The following SNPH variants were observed in gnomAD, a reference collection of about 807,000 sequenced individuals.
SNPH encodes syntaphilin.
Under a neutral mutation model 36.8 loss-of-function variants are expected in SNPH, and 10 were observed. The observed-to-expected ratio is 0.27, with a 90% confidence interval of 0.17 to 0.46. The LOEUF (loss-of-function observed/expected upper bound fraction) is 0.46, where lower values mean the gene tolerates loss of function less well. Among genes scored for constraint, SNPH ranks in the 20% least tolerant of loss-of-function variants. The probability of loss-of-function intolerance (pLI) is 1.00; values close to 1 mark genes in which losing one functional copy is unlikely to be tolerated. For missense variants in SNPH, 622 were observed against 744.0 expected (o/e 0.84, Z 1.91); for synonymous variants, 281 against 312.2 (o/e 0.90, Z 1.05).
intron 2 of SNPH, among the ~76,000 whole-genome samples, chr20:1,281,062 A>G (rs1298585631): frequency 6.6e-6 from 1 of 152,130 alleles, no homozygotes; most frequent in East Asian, 1.9e-4. Context: ...ATAAGGTTCT[A>G]TTATTGAGGG....
rs1456502093 is a variant in SNPH at position 1,307,551 on chromosome 20, A to T, written c.*1497A>T. ...GGGGGTTGGAGGGACCCTGTGTCTT[A>T]CTCGCCCCTCTGGCCTAAGGGCCAC... On this transcript the variant is annotated 3_prime_UTR_variant, in exon 7 of 7. Coordinates refer to ENST00000381867, the MANE Select transcript of SNPH (RefSeq NM_001318234.2). The T allele has an allele frequency of 6.6e-6, 1 of 152,284 alleles. No individual in the cohort carries two copies. Among genetic ancestry groups the T allele is most frequent in the Non-Finnish European group, 1.5e-5 (1 of 68,088 alleles). The allele number at this position is 152,284 out of a possible 1,614,324, so 9.4% of individuals were successfully genotyped here.
intron 4 of SNPH, among the ~76,000 whole-genome samples, chr20:1,296,887 C>T (rs748449509): frequency 4.6e-5 from 7 of 152,242 alleles, no homozygotes; most frequent in Non-Finnish European, 1.0e-4. Context: ...TGAGGCCCCA[C>T]CCTTGCCCTG....
chr20:1,292,349 C>T (rs1240881811), intron 2 of SNPH, among the ~76,000 whole-genome samples: 3 of 152,212 alleles, frequency 2.0e-5, no homozygotes, highest in Non-Finnish European at 4.4e-5. Context: ...CCGAGGTCTC[C>T]TGGATGTATC....
At chr20:1,283,701 GTC>G (rs1474860262) in intron 2 of SNPH, among the ~76,000 whole-genome samples, 1 of 152,168 alleles carries the variant, frequency 6.6e-6, no homozygotes, top group Non-Finnish European at 1.5e-5. Context: ...GTAGTCACCT[GTC>G]TCTGAGCACC....
chr20:1,305,856 G>A lies in SNPH; in HGVS notation c.1419G>A (p.Leu473=). 1.3e-6 allele frequency: 2 copies of A among 1,593,968 alleles called. No homozygotes were observed. The highest frequency in any genetic ancestry group is 1.7e-6 in the Non-Finnish European group (2 of 1,171,022). The change falls in exon 7 of 7, where the codon CTG becomes CTA. Residue 473 remains leucine, a synonymous_variant. Coordinates refer to ENST00000381867, the MANE Select transcript of SNPH (RefSeq NM_001318234.2). The part of the protein sequence containing the change: ...SYWSRHYIVD[L]LAVVVPAVPT... The stretch of plus-strand genomic sequence containing the variant: ...GGAGCCGCCACTACATCGTGGATCT[G>A]CTGGCTGTGGTGGTGCCGGCCGTGC...
intron 2 of SNPH, among the ~76,000 whole-genome samples, chr20:1,279,592 A>C (rs1168097273): frequency 6.8e-6 from 1 of 147,618 alleles, no homozygotes; most frequent in Non-Finnish European, 1.5e-5. Context: ...TGATAGAAAG[A>C]CTGGTTTCCT....
chr20:1,294,969 A>G lies in SNPH; in HGVS notation c.-474A>G, dbSNP rs1453351918. ...CTCATAGGGTTGTTGAGAGGAGTCA[A>G]TGGCATAATGTACGTAGCGTGGTTG... On this transcript the variant is annotated 5_prime_UTR_variant, in exon 3 of 7. The change abolishes an upstream ATG in the 5' untranslated region. Transcript: ENST00000381867. This position sits in a 1 kb window ranked among gnomAD's most constrained non-coding sequence, Gnocchi z 4.4. The G allele has an allele frequency of 6.5e-6, 1 of 152,694 alleles. No homozygotes were observed. Among genetic ancestry groups the G allele is most frequent in the African/African-American group, 2.4e-5 (1 of 41,424 alleles). The allele number at this position is 152,694 out of a possible 1,614,324, so 9.5% of individuals were successfully genotyped here.
chr20:1,284,146 T>C (rs1568542816), intron 2 of SNPH, among the ~76,000 whole-genome samples: 1 of 152,198 alleles, frequency 6.6e-6, no homozygotes, highest in Non-Finnish European at 1.5e-5. Context: ...GTGCTATTTT[T>C]TCAAAGATGA....
intron 2 of SNPH, among the ~76,000 whole-genome samples, chr20:1,279,058 A>G (rs1051922266): frequency 6.6e-6 from 1 of 152,242 alleles, no homozygotes; most frequent in Non-Finnish European, 1.5e-5. Flanking sequence ...ATGGACATAC[A>G]CTTTCCTATT....
intron 2 of SNPH, among the ~76,000 whole-genome samples, chr20:1,281,115 C>A (rs2088213282): frequency 6.6e-6 from 1 of 152,178 alleles, no homozygotes; most frequent in African/African-American, 2.4e-5. Context: ...CTAACCCACA[C>A]AGAGGCCTGG....
rs572631021 is a variant in SNPH, at chr20:1,277,256, T to C, written c.-493+10496T>C. On this transcript the variant is annotated intron_variant, in intron 2 of 6. Transcript: ENST00000381867. Reference sequence around the variant, plus strand: ...TACACAGAAACATTCTAGAAAAATGTTGAGTAAATGACAAGAAGCTTTGGT... The same window carrying C: ...TACACAGAAACATTCTAGAAAAATGCTGAGTAAATGACAAGAAGCTTTGGT... Among the ~76,000 whole-genome samples the C allele has an allele frequency of 5.9e-5, 9 of 152,292 alleles. 1 individual carries two copies. The South Asian group carries it at 1.9e-3, about 32-fold the overall frequency.
At chr20:1,267,035 C>T (rs914388232) in intron 2 of SNPH, among the ~76,000 whole-genome samples, 3 of 152,074 alleles carry the variant, frequency 2.0e-5, no homozygotes, top group Non-Finnish European at 2.9e-5. Flanking sequence ...AACCCACCCC[C>T]CAATTTTATT....
In SNPH at chr20:1,300,632, A is replaced by T; in HGVS notation, c.361A>T (p.Thr121Ser). The change falls in exon 6 of 7, where the codon ACC becomes TCC. Residue 121 changes from threonine (T) to serine (S), a missense_variant. Thr to Ser is a moderately conservative substitution (Grantham distance 58). Around this residue, in one of 3 missense-constraint regions of SNPH, gnomAD observed 187 missense variants for 209.4 expected, o/e 0.89. Coordinates refer to ENST00000381867, the MANE Select transcript of SNPH (RefSeq NM_001318234.2). ...GCCCCCGACCCCGGAGCAGTACCTGACCCCCCTGCAGCAGAAGGAGGTGTG... is the reference window on the plus strand; with the variant it reads ...GCCCCCGACCCCGGAGCAGTACCTGTCCCCCCTGCAGCAGAAGGAGGTGTG... Reference protein sequence around the residue: ...IKPPTPEQYLTPLQQKEVCIR... With the variant: ...IKPPTPEQYLSPLQQKEVCIR... 1 of 1,613,018 alleles carries T rather than the reference A, an allele frequency of 6.2e-7. No homozygotes were observed. The highest frequency in any genetic ancestry group is 8.5e-7 in the Non-Finnish European group (1 of 1,179,848).
chr20:1,305,182 C>T lies in SNPH; in HGVS notation c.745C>T (p.Pro249Ser). 6.2e-7 allele frequency: 1 copy of T among 1,612,318 alleles called. No individual in the cohort carries two copies. Among genetic ancestry groups the T allele is most frequent in the Non-Finnish European group, 8.5e-7 (1 of 1,179,700 alleles). ...DGTGESAGGS[P>S]ARSLTRSSTY... ...CACTGGGGAGTCAGCCGGTGGGTCC[C>T]CTGCCCGCTCCCTCACCCGCAGCTC... is the stretch of plus-strand genomic sequence containing the variant. The change falls in exon 7 of 7, where the codon CCT becomes TCT. Residue 249 changes from proline to serine, a missense_variant. Pro to Ser is a moderately conservative substitution (Grantham distance 74). This residue lies in a region of SNPH where 379 missense variants were observed against 427.9 expected (regional missense o/e 0.89). Transcript: ENST00000381867.
rs983624533 is a variant in SNPH at position 1,276,368 on chromosome 20, G to C, written c.-493+9608G>C. On this transcript the variant is annotated intron_variant, in intron 2 of 6. Coordinates refer to ENST00000381867, the MANE Select transcript of SNPH (RefSeq NM_001318234.2). The surrounding 1 kb of genome is among the most constrained non-coding windows in gnomAD (Gnocchi z 4.6). ...CAGGATCCAAGCCTAGGCAGCACTG[G>C]CCCCCTTGCCCTGCTCTCTGAGTGG... 1.1e-4 allele frequency among the ~76,000 whole-genome samples: 16 copies of C among 152,280 alleles called. No homozygotes were observed. Among genetic ancestry groups the C allele is most frequent in the Admixed American group, 3.9e-4 (6 of 15,298 alleles).
intron 2 of SNPH, among the ~76,000 whole-genome samples, chr20:1,277,903 C>CTGTG (rs770591276): frequency 8.3e-6 from 1 of 119,798 alleles, no homozygotes; most frequent in African/African-American, 3.3e-5. Flanking sequence ...GTGTATGTAT[C>CTGTG]TGTGTGTGTG....
chr20:1,293,913 G>A (rs1439115891), intron 2 of SNPH, among the ~76,000 whole-genome samples: 2 of 152,142 alleles, frequency 1.3e-5, no homozygotes, highest in Non-Finnish European at 2.9e-5. Flanking sequence ...GACAAACCAG[G>A]CATTTTGCCT....
At chr20:1,271,927 C>T (rs918070463) in intron 2 of SNPH, among the ~76,000 whole-genome samples, 1 of 152,136 alleles carries the variant, frequency 6.6e-6, no homozygotes, top group Non-Finnish European at 1.5e-5. Context: ...TCACAAAGAC[C>T]AGTGCATTTG....
intron 2 of SNPH, among the ~76,000 whole-genome samples, chr20:1,292,153 C>T (rs542950181): frequency 1.8e-4 from 21 of 118,568 alleles, no homozygotes; most frequent in Non-Finnish European, 3.4e-4. Flanking sequence ...ATGGTGTTCC[C>T]TGAGTTTTAG....
Sources: allele counts gnomAD v4.1 joint callset (sites outside exome capture counted in the v4.1 genomes callset), GRCh38; gene constraint gnomAD v4.1.1; regional missense constraint gnomAD v4.1.1; non-coding constraint Gnocchi (gnomAD v3.1); transcripts MANE v1.5; gene names NCBI Gene and HGNC (gene_info 2026-07-23, HGNC 2026-07-21).